Variants in USP9X observed in about 807,000 individuals in gnomAD.
USP9X encodes ubiquitin specific peptidase 9 X-linked, also known as ubiquitin carboxyl-terminal hydrolase 9X.
USP9X carries 7 observed loss-of-function variants against 190.3 expected under a neutral mutation model. The ratio of observed to expected loss-of-function variants is 0.04; its 90% confidence interval spans 0.02 to 0.07. USP9X has a LOEUF of 0.07. Among genes scored for constraint, USP9X ranks in the 10% least tolerant of loss-of-function variants. USP9X has a pLI of 1.00. For synonymous variants in USP9X, 645 were observed against 659.5 expected (o/e 0.98, Z 0.34); for missense variants, 1,010 against 1,916.9 (o/e 0.53, Z 8.83).
At chrX:41,168,443 C>T (rs772773773) in intron 18 of USP9X, among the ~76,000 whole-genome samples, 80 of 111,811 alleles carry the variant, frequency 7.2e-4, no homozygotes, top group African/African-American at 2.4e-3. Context: ...TTCTAGTTTT[C>T]TTTTTGTCTT....
At chrX:41,190,956 A>T (rs1322734860) in intron 26 of USP9X, among the ~76,000 whole-genome samples, 1 of 111,760 alleles carries the variant, frequency 8.9e-6, no homozygotes, top group East Asian at 2.8e-4. Context: ...GTAGGTTCAA[A>T]ATCCATTATT....
At chrX:41,177,593 G>A (rs964196771) in intron 21 of USP9X, among the ~76,000 whole-genome samples, 14 of 112,337 alleles carry the variant, frequency 1.2e-4, no homozygotes, top group East Asian at 5.6e-4. Context: ...GATGCTTTGT[G>A]TAGAGAGATG....
chrX:41,208,790 C>T (rs1348459299), intron 32 of USP9X, among the ~76,000 whole-genome samples: 1 of 110,159 alleles, frequency 9.1e-6, no homozygotes, highest in Non-Finnish European at 1.9e-5. Context: ...TCACTGCAAG[C>T]TCCCCTTCCT....
intron 2 of USP9X, among the ~76,000 whole-genome samples, chrX:41,125,684 A>ACACACTCT: frequency 1.8e-3 from 35 of 19,018 alleles, no homozygotes; most frequent in South Asian, 7.5e-3. Context: ...ACACACACAC[A>ACACACTCT]CTCTCTCTCT....
intron 15 of USP9X, among the ~76,000 whole-genome samples, chrX:41,164,793 C>G (rs1195090454): frequency 8.9e-6 from 1 of 112,090 alleles, no homozygotes; most frequent in African/African-American, 3.2e-5. Context: ...AACTAGGTCT[C>G]TTTTACTTAA....
intron 1 of USP9X, among the ~76,000 whole-genome samples, chrX:41,111,330 C>T (rs948396785): frequency 2.7e-5 from 3 of 111,847 alleles, no homozygotes; most frequent in African/African-American, 9.8e-5. Flanking sequence ...GCTAAATATG[C>T]TTGGCACCTT....
rs1416369476 is a variant in USP9X, at chrX:41,135,103, C to T, written c.435+266C>T. 2.7e-5 allele frequency among the ~76,000 whole-genome samples: 3 copies of T among 111,602 alleles called. No individual in the cohort carries two copies. The East Asian group carries it at 8.4e-4, about 31-fold the overall frequency. On this transcript the variant is annotated intron_variant, in intron 5 of 44. Transcript: ENST00000378308. ...GTCTGTGACCTTAGGCAAGTCATCA[C>T]ATTTCATTGAAAATGTAATGCTATC...
chrX:41,140,141 G>T (rs2062409568), intron 6 of USP9X, among the ~76,000 whole-genome samples: 1 of 111,604 alleles, frequency 9.0e-6, no homozygotes, highest in Non-Finnish European at 1.9e-5. Context: ...TTCTACTTAG[G>T]AACAGTAGAT....
chrX:41,178,232 C>A (rs2062795618), intron 21 of USP9X, among the ~76,000 whole-genome samples: 2 of 105,691 alleles, frequency 1.9e-5, no homozygotes, highest in Non-Finnish European at 3.9e-5. Flanking sequence ...TCCCGAATAG[C>A]TGTGATTACA....
At chrX:41,094,741 A>C (rs1255748091) in intron 1 of USP9X, among the ~76,000 whole-genome samples, 1 of 110,354 alleles carries the variant, frequency 9.1e-6, no homozygotes, top group Non-Finnish European at 1.9e-5. Flanking sequence ...GTGAAAATTC[A>C]AAATCCGAAA....
In USP9X at chrX:41,232,983, C is replaced by T. The variant is rs2063374985; in HGVS notation, c.*459C>T. 1 of 112,044 alleles carries T rather than the reference C, an allele frequency of 8.9e-6. No individual in the cohort carries two copies. Among genetic ancestry groups the T allele is most frequent in the African/African-American group, 3.3e-5 (1 of 30,732 alleles). 9.2% of individuals were successfully genotyped at this position (112,044 alleles called of 1,213,427 possible). On this transcript the variant is annotated 3_prime_UTR_variant, in exon 45 of 45. Transcript: ENST00000378308. Reference sequence around the variant, plus strand: ...AAACAGAGCCCATCCATGTCAGCCACACCAATAGTTTCATGTTAATTCTTT... The same window carrying T: ...AAACAGAGCCCATCCATGTCAGCCATACCAATAGTTTCATGTTAATTCTTT...
chrX:41,214,794 C>A (rs191715245), intron 34 of USP9X, 85 bp downstream of exon 34: 5 of 971,276 alleles, frequency 5.1e-6, no homozygotes, highest in Non-Finnish European at 7.0e-6. Flanking sequence ...CCTCACAAGT[C>A]ACCCTATTTT....
chrX:41,190,431 G>T (rs777705525), intron 26 of USP9X, among the ~76,000 whole-genome samples: 3 of 110,890 alleles, frequency 2.7e-5, no homozygotes, highest in African/African-American at 9.8e-5. Context: ...ATCCAGTCCA[G>T]CCTATTCAGA....
chrX:41,108,531 G>C (rs777395867), intron 1 of USP9X, among the ~76,000 whole-genome samples: 1 of 111,324 alleles, frequency 9.0e-6, no homozygotes, highest in South Asian at 3.8e-4. Flanking sequence ...ACTTGTTGCT[G>C]TCCACCACAG....
At chrX:41,086,321 C>T (rs1411171417) in intron 1 of USP9X, among the ~76,000 whole-genome samples, 1 of 111,716 alleles carries the variant, frequency 9.0e-6, no homozygotes, top group African/African-American at 3.2e-5. Context: ...GTCCCGAGAG[C>T]GTGTCTGTGT....
At chrX:41,161,364 G>T (rs2062629458) in intron 14 of USP9X, among the ~76,000 whole-genome samples, 1 of 75,063 alleles carries the variant, frequency 1.3e-5, no homozygotes, top group Non-Finnish European at 2.3e-5. Flanking sequence ...TTTGGTGACG[G>T]AGTCTCGTTC....
intron 41 of USP9X, among the ~76,000 whole-genome samples, chrX:41,226,540 G>A (rs1451844156): frequency 8.9e-6 from 1 of 112,222 alleles, no homozygotes; most frequent in East Asian, 2.8e-4. Context: ...TGCTTAAAGA[G>A]AAGTAACAAT....
chrX:41,102,275 C>A (rs1324127714), intron 1 of USP9X, among the ~76,000 whole-genome samples: 2 of 111,439 alleles, frequency 1.8e-5, no homozygotes, highest in African/African-American at 6.5e-5. Context: ...TTTAACCAAT[C>A]TGGTTTTGGA....
intron 2 of USP9X, among the ~76,000 whole-genome samples, chrX:41,127,235 TTTTG>T (rs2062263373): frequency 8.9e-6 from 1 of 112,056 alleles, no homozygotes; most frequent in Admixed American, 9.5e-5. Flanking sequence ...GTCCCCTTAA[TTTTG>T]TTTAATTCAT....
Sources: gnomAD v4.1 joint callset for allele counts (sites outside exome capture counted in the v4.1 genomes callset) on GRCh38, gnomAD v4.1.1 for gene constraint, MANE v1.5 for transcripts, NCBI Gene and HGNC (gene_info 2026-07-23, HGNC 2026-07-21) for gene names.